The following LBH variants were observed in gnomAD, a reference collection of about 807,000 sequenced individuals.
LBH encodes the protein protein LBH.
Under a neutral mutation model 12.5 loss-of-function variants are expected in LBH, and 7 were observed. The observed-to-expected ratio is 0.56, with a 90% CI of 0.32 to 1.05. The LOEUF is 1.05. LBH is among the 50% of genes least tolerant of loss of function. The pLI is 0.04. For missense variants in LBH, 119 were observed against 138.9 expected (o/e 0.86, Z 0.72); for synonymous variants, 51 against 50.1 (o/e 1.02, Z -0.08).
intron 1 of LBH, chr2:30,233,154 A>C (rs978081172): frequency 6.6e-6 from 1 of 152,210 alleles, no homozygotes; most frequent in African/African-American, 2.4e-5. Flanking sequence ...TGGACCCATT[A>C]AGAATATTAT....
intron 2 of LBH, 137 bp from the exon 3 acceptor site, chr2:30,257,296 C>T (rs759105142): frequency 1.1e-6 from 1 of 881,124 alleles, no homozygotes; most frequent in Non-Finnish European, 1.8e-6. Flanking sequence ...TTATATACTC[C>T]ACAGCCTCCC....
At chr2:30,234,342 A>C (rs938463452) in intron 1 of LBH, 63 bp from the exon 2 acceptor site, 1 of 1,252,966 alleles carries the variant, frequency 8.0e-7, no homozygotes, top group African/African-American at 1.5e-5. Flanking sequence ...CAGTGAATGC[A>C]TGAAGAGTTA....
chr2:30,234,487 A>G lies in LBH; in HGVS notation c.109A>G (p.Lys37Glu). 6.2e-7 allele frequency: 1 copy of G among 1,613,834 alleles called. No homozygotes were observed. The highest frequency in any genetic ancestry group is 8.5e-7 in the Non-Finnish European group (1 of 1,179,746). ...GGAGGAGATCGGCCTCAGCCCCCGC[A>G]AGGATGGCCTTTCCTACCAGGTGAG... ...PMEEIGLSPR[K>E]DGLSYQIFPD... The change falls in exon 2 of 3, where the codon AAG (lysine) becomes GAG (glutamate). Residue 37 changes from lysine to glutamate, a missense_variant. Lys to Glu is a moderately conservative substitution (Grantham distance 56, BLOSUM62 1). Transcript: ENST00000395323.
intron 2 of LBH, among the ~76,000 whole-genome samples, chr2:30,255,155 G>A (rs1678057923): frequency 6.6e-6 from 1 of 152,270 alleles, no homozygotes; most frequent in Non-Finnish European, 1.5e-5. Flanking sequence ...TTCGTGACCT[G>A]TAGTGGGCTT....
At chr2:30,244,240 C>A (rs1677838609) in intron 2 of LBH, among the ~76,000 whole-genome samples, 1 of 152,066 alleles carries the variant, frequency 6.6e-6, no homozygotes, top group African/African-American at 2.4e-5. Context: ...GGTCATGTGC[C>A]CCTCGGGTAT....
At chr2:30,247,487 G>A (rs1292647725) in intron 2 of LBH, among the ~76,000 whole-genome samples, 1 of 152,166 alleles carries the variant, frequency 6.6e-6, no homozygotes, top group East Asian at 1.9e-4. Flanking sequence ...TGAAGTGACA[G>A]GCTCACTTTG....
chr2:30,254,778 G>T (rs1452872453), intron 2 of LBH, among the ~76,000 whole-genome samples: 1 of 152,218 alleles, frequency 6.6e-6, no homozygotes. Flanking sequence ...AGGTCAGAGG[G>T]TGGAGGCAGG....
intron 2 of LBH, among the ~76,000 whole-genome samples, chr2:30,247,485 C>G (rs1677895157): frequency 6.6e-6 from 1 of 152,200 alleles, no homozygotes; most frequent in African/African-American, 2.4e-5. Flanking sequence ...CTTGAAGTGA[C>G]AGGCTCACTT....
At position 30,255,705 on chromosome 2, in the gene LBH, G is replaced by A. The variant is rs76838476; in HGVS notation, c.130-1728G>A. 2.6e-5 allele frequency among the ~76,000 whole-genome samples: 4 copies of A among 152,306 alleles called. No individual in the cohort carries two copies. In the East Asian group the frequency reaches 7.7e-4, roughly 29 times the overall value. On this transcript the variant is annotated intron_variant, in intron 2 of 2. Coordinates refer to ENST00000395323, the MANE Select transcript of LBH (RefSeq NM_030915.4). ...TGGGGTTGGGTTGCAATAAGACCGG[G>A]TATCCTCAGAGCACCACAGAAGTTG...
At position 30,248,539 on chromosome 2, in the gene LBH, A is replaced by G. The variant is rs564565184; in HGVS notation, c.130-8894A>G. Among the ~76,000 whole-genome samples, 16 of 152,224 alleles carry G rather than the reference A, an allele frequency of 1.1e-4. 1 individual carries two copies. Among genetic ancestry groups the G allele is most frequent in the Admixed American group, 6.5e-4 (10 of 15,286 alleles). On this transcript the variant is annotated intron_variant, in intron 2 of 2. Transcript: ENST00000395323. ...AATGGCAGCTGAGAGAGGTGTGACCATGGGACATTGGGTAGTACTAGTGGA... is the reference window on the plus strand; with the variant it reads ...AATGGCAGCTGAGAGAGGTGTGACCGTGGGACATTGGGTAGTACTAGTGGA...
chr2:30,245,713 C>T (rs1191466716), intron 2 of LBH, among the ~76,000 whole-genome samples: 1 of 152,148 alleles, frequency 6.6e-6, no homozygotes. Flanking sequence ...CTATTTGGGC[C>T]TGATTTCCAT....
intron 2 of LBH, 74 bp from the exon 3 acceptor site, chr2:30,257,359 A>G: frequency 6.5e-7 from 1 of 1,526,832 alleles, no homozygotes; most frequent in Non-Finnish European, 9.0e-7. Context: ...TGCCACATGG[A>G]TGTGCAAAGA....
intron 2 of LBH, among the ~76,000 whole-genome samples, chr2:30,245,469 G>T (rs1457138532): frequency 6.6e-6 from 1 of 152,174 alleles, no homozygotes; most frequent in African/African-American, 2.4e-5. Flanking sequence ...GAATCAAAGC[G>T]ATGGCACTGT....
chr2:30,232,450 C>G, intron 1 of LBH: 3 of 500,462 alleles, frequency 6.0e-6, no homozygotes, highest in Non-Finnish European at 6.9e-6. Flanking sequence ...TTGCCCCGGA[C>G]TGGGGATCGG....
intron 2 of LBH, among the ~76,000 whole-genome samples, chr2:30,249,778 CTAGT>C (rs1439585756): frequency 6.6e-6 from 1 of 152,318 alleles, no homozygotes; most frequent in East Asian, 1.9e-4. Context: ...CCAGCTTTAC[CTAGT>C]AAGAACCATC....
chr2:30,232,438 G>T lies in LBH; in HGVS notation c.26+674G>T, dbSNP rs370180246. 894 of 541,990 alleles carry T rather than the reference G, an allele frequency of 1.6e-3. 8 individuals are homozygous for T. Among genetic ancestry groups the T allele is most frequent in the African/African-American group, 0.016 (796 of 51,196 alleles). The allele number at this position is 541,990 out of a possible 1,614,324, so 33.6% of individuals were successfully genotyped here. A position where few individuals can be genotyped will look rare whatever the true frequency, so the allele number is the denominator to read the frequency against. ...CCGGGCCGGGCGCGGGGCGTCGGAG[G>T]TTTGCCCCGGACTGGGGATCGGAGC... On this transcript the variant is annotated intron_variant, in intron 1 of 2. Coordinates refer to ENST00000395323, the MANE Select transcript of LBH (RefSeq NM_030915.4).
intron 2 of LBH, among the ~76,000 whole-genome samples, chr2:30,237,852 A>C (rs1677715003): frequency 6.6e-6 from 1 of 152,170 alleles, no homozygotes; most frequent in Non-Finnish European, 1.5e-5. Flanking sequence ...GGGGTGGGTG[A>C]GTAAATGGTT....
chr2:30,249,611 A>G (rs1262607911), intron 2 of LBH, among the ~76,000 whole-genome samples: 2 of 152,204 alleles, frequency 1.3e-5, no homozygotes, highest in Non-Finnish European at 2.9e-5. Flanking sequence ...AAACAGAGCC[A>G]CAGGGAGGGA....
intron 2 of LBH, among the ~76,000 whole-genome samples, chr2:30,252,027 G>T (rs1367797271): frequency 6.6e-6 from 1 of 152,116 alleles, no homozygotes; most frequent in East Asian, 1.9e-4. Flanking sequence ...AAATGTCAAG[G>T]CTTCATTCCA....
Sources: gnomAD v4.1 joint callset for allele counts (sites outside exome capture counted in the v4.1 genomes callset) on GRCh38, gnomAD v4.1.1 for gene constraint, MANE v1.5 for transcripts, NCBI Gene and HGNC (gene_info 2026-07-23, HGNC 2026-07-21) for gene names.